INAVA: variants seen among roughly 807,000 people sequenced by gnomAD.
The protein encoded by INAVA is innate immunity activator, also known as innate immunity activator protein.
INAVA carries 32 observed loss-of-function variants against 55.3 expected under a neutral mutation model. The ratio of observed to expected loss-of-function variants is 0.58; its 90% CI spans 0.44 to 0.78. The LOEUF (loss-of-function observed/expected upper bound fraction) is 0.78, where lower values mean the gene tolerates loss of function less well. Ranked by LOEUF, INAVA falls within the 30% of genes least tolerant of loss-of-function variation. The probability of loss-of-function intolerance (pLI) is 0.00; values close to 1 mark genes in which losing one functional copy is unlikely to be tolerated. For synonymous variants in INAVA, 294 were observed against 329.4 expected (o/e 0.89, Z 1.16); for missense variants, 756 against 786.4 (o/e 0.96, Z 0.46).
In INAVA at chr1:200,907,844, C is replaced by T. The variant is rs745667764; in HGVS notation, c.531C>T (p.Ala177=). The T allele has an allele frequency of 6.2e-7, 1 of 1,612,494 alleles. No homozygotes were observed. The highest frequency in any genetic ancestry group is 8.5e-7 in the Non-Finnish European group (1 of 1,178,734). Residue 177 remains alanine (A), a synonymous_variant, in exon 6 of 10, where the codon GCC becomes GCT. Coordinates refer to ENST00000413687, the MANE Select transcript of INAVA (RefSeq NM_001142569.3). Reference sequence around the variant, plus strand: ...CTTTGTCTTTCGCAGAGCTCAGTGCCTCTGATGACAGCTCCCTGTCAGATG... The same window carrying T: ...CTTTGTCTTTCGCAGAGCTCAGTGCTTCTGATGACAGCTCCCTGTCAGATG... The part of the protein sequence containing the change: ...AALPLGRELS[A]SDDSSLSDGL...
intron 2 of INAVA, 110 bp from the exon 3 acceptor site, chr1:200,899,357 ATGTGTG>A: frequency 7.5e-7 from 1 of 1,326,760 alleles, no homozygotes; most frequent in Non-Finnish European, 1.0e-6. Flanking sequence ...CAGGCATGAG[ATGTGTG>A]TGTGTGTGTG....
chr1:200,912,031 T>C lies in INAVA; in HGVS notation c.1538T>C (p.Leu513Pro). The change falls in exon 9 of 10, where the codon CTC (leucine) becomes CCC (proline). Residue 513 changes from leucine to proline, a missense_variant. Physicochemically the swap from Leu to Pro is moderately conservative, Grantham distance 98. Around this residue, in one of 2 missense-constraint regions of INAVA, gnomAD observed 117 missense variants for 162.1 expected, o/e 0.72. Coordinates refer to ENST00000413687, the MANE Select transcript of INAVA (RefSeq NM_001142569.3). ...AAGTGGTGGCACGAGCGTGCACGCC[T>C]CCGGAGCACCCGCCCCCACTCACTG... ...ELKWWHERAR[L>P]RSTRPHSLDR... 1 of 1,543,160 alleles carries C rather than the reference T, an allele frequency of 6.5e-7. No homozygotes were observed. The highest frequency in any genetic ancestry group is 8.7e-7 in the Non-Finnish European group (1 of 1,146,172).
At chr1:200,902,168 T>C (rs1653289052) in intron 5 of INAVA, among the ~76,000 whole-genome samples, 1 of 152,196 alleles carries the variant, frequency 6.6e-6, no homozygotes, top group South Asian at 2.1e-4. Flanking sequence ...TCATTCACAT[T>C]CTCAGGCTCC....
chr1:200,911,384 C>T (rs1653713592), intron 8 of INAVA, 69 bp from the exon 9 acceptor site: 1 of 1,445,340 alleles, frequency 6.9e-7, no homozygotes, highest in Admixed American at 1.7e-5. Context: ...TTTAACTCCA[C>T]CTCCCGCCCC....
intron 6 of INAVA, 196 bp downstream of exon 6, chr1:200,908,083 A>C (rs1003719081): frequency 1.2e-5 from 6 of 485,332 alleles, no homozygotes; most frequent in African/African-American, 1.9e-5. Flanking sequence ...ATGTGCGATC[A>C]TCTCCCATTC....
intron 6 of INAVA, chr1:200,908,162 C>T (rs963649363): frequency 2.8e-6 from 1 of 363,008 alleles, no homozygotes; most frequent in Admixed American, 4.2e-5. Flanking sequence ...CCCAGATGTC[C>T]CTCCTTCACC....
upstream of INAVA, chr1:200,891,538 G>A (rs758688213): frequency 6.2e-7 from 1 of 1,604,458 alleles, no homozygotes; most frequent in Non-Finnish European, 8.5e-7. Context: ...TTTAACATTT[G>A]GGATGCTGCA....
At position 200,898,416 on chromosome 1, in the gene INAVA, G is replaced by A. The variant is rs1156785035; in HGVS notation, c.16G>A (p.Glu6Lys). The A allele has an allele frequency of 6.2e-6, 10 of 1,614,012 alleles. No homozygotes were observed. The African/African-American group carries it at 1.3e-4, about 22-fold the overall frequency. Residue 6 changes from glutamate to lysine, a missense_variant, in exon 2 of 10, where the codon GAG (glutamate) becomes AAG (lysine). Coordinates refer to ENST00000413687, the MANE Select transcript of INAVA (RefSeq NM_001142569.3). MESKD[E>K]VSDTDSGIIL... Reference sequence around the variant, plus strand: ...GAAATCCACCATGGAGAGTAAGGATGAGGTCAGCGACACCGACAGTGGCAT... The same window carrying A: ...GAAATCCACCATGGAGAGTAAGGATAAGGTCAGCGACACCGACAGTGGCAT...
intron 6 of INAVA, 57 bp from the exon 7 acceptor site, chr1:200,908,673 C>A (rs1363706013): frequency 1.4e-6 from 2 of 1,445,330 alleles, no homozygotes; most frequent in Non-Finnish European, 9.3e-7. Context: ...TGTGGAGGTT[C>A]TTGTTGGGCC....
chr1:200,911,722 G>T lies in INAVA; in HGVS notation c.1229G>T (p.Trp410Leu). The change falls in exon 9 of 10, where the codon TGG (tryptophan) becomes TTG (leucine). Residue 410 changes from tryptophan (W) to leucine (L), a missense_variant. By Grantham distance (61) the Trp-to-Leu change is moderately conservative. Around this residue, in one of 2 missense-constraint regions of INAVA, gnomAD observed 639 missense variants for 624.3 expected, o/e 1.02. Coordinates refer to ENST00000413687, the MANE Select transcript of INAVA (RefSeq NM_001142569.3). The part of the protein sequence containing the change: ...PPKTHRHRGA[W>L]VPAGSRELVA... The stretch of plus-strand genomic sequence containing the variant: ...AAGACCCATCGTCACCGCGGGGCCT[G>T]GGTCCCAGCCGGCAGCAGAGAGCTG... 1 of 1,612,992 alleles carries T rather than the reference G, an allele frequency of 6.2e-7. No homozygotes were observed.
At chr1:200,894,813 T>G (rs1668306050), upstream of INAVA, 1 of 985,502 alleles carries the variant, frequency 1.0e-6, no homozygotes. Flanking sequence ...TGGCACCAGT[T>G]GCACGGGATT....
At chr1:200,913,414 C>A in intron 9 of INAVA, 123 bp from the exon 10 acceptor site, 2 of 709,472 alleles carry the variant, frequency 2.8e-6, no homozygotes, top group East Asian at 2.6e-5. Context: ...CCAGGGCCTG[C>A]TGCTGCTGCT....
chr1:200,913,766 T>C lies in INAVA; in HGVS notation c.*137T>C, dbSNP rs1175998666. ...GAGCTGAGACCTTTTATTATTTTTT[T>C]TTTACACGACTTTTTTCAGAAGCCC... is the stretch of plus-strand genomic sequence containing the variant. On this transcript the variant is annotated 3_prime_UTR_variant, in exon 10 of 10. Transcript: ENST00000413687. 3.1e-5 allele frequency: 20 copies of C among 640,070 alleles called. No individual in the cohort carries two copies. Among genetic ancestry groups the C allele is most frequent in the Admixed American group, 5.9e-5 (2 of 33,804 alleles). The allele number at this position is 640,070 out of a possible 1,614,324, so 39.6% of individuals were successfully genotyped here. A position where few individuals can be genotyped will look rare whatever the true frequency, so the allele number is the denominator to read the frequency against.
At chr1:200,903,785 A>AAGAGC (rs1188585595) in intron 5 of INAVA, among the ~76,000 whole-genome samples, 1 of 149,024 alleles carries the variant, frequency 6.7e-6, no homozygotes, top group Non-Finnish European at 1.5e-5. Context: ...GCCTGGTGAC[A>AAGAGC]AGAGCGAAAC....
intron 5 of INAVA, among the ~76,000 whole-genome samples, chr1:200,903,437 C>T (rs1479672280): frequency 3.3e-5 from 5 of 151,174 alleles, no homozygotes; most frequent in African/African-American, 7.3e-5. Flanking sequence ...TCAAGGGAGC[C>T]GAGATCGTGC....
chr1:200,898,013 G>T (rs535084719), intron 1 of INAVA, among the ~76,000 whole-genome samples: 1 of 152,096 alleles, frequency 6.6e-6, no homozygotes, highest in Admixed American at 6.5e-5. Flanking sequence ...CTTCTCCCCA[G>T]TCGAGCGGTT....
At chr1:200,913,061 G>A (rs1439321651) in intron 9 of INAVA, among the ~76,000 whole-genome samples, 1 of 152,164 alleles carries the variant, frequency 6.6e-6, no homozygotes, top group Non-Finnish European at 1.5e-5. Flanking sequence ...CTGCTTCTTT[G>A]AGACCCCAGA....
upstream of INAVA, chr1:200,891,796 C>A: frequency 1.1e-6 from 1 of 882,728 alleles, no homozygotes; most frequent in Non-Finnish European, 1.6e-6. Context: ...CGGAGGGTGC[C>A]CTACAGGGAA....
At chr1:200,897,045 C>T (rs563066160) in intron 1 of INAVA, among the ~76,000 whole-genome samples, 1 of 152,354 alleles carries the variant, frequency 6.6e-6, no homozygotes, top group African/African-American at 2.4e-5. Context: ...CAGGCCCTGG[C>T]CAGCTGGGAC....
Sources: allele counts gnomAD v4.1 joint callset (sites outside exome capture counted in the v4.1 genomes callset), GRCh38; gene constraint gnomAD v4.1.1; regional missense constraint gnomAD v4.1.1; transcripts MANE v1.5; gene names NCBI Gene and HGNC (gene_info 2026-07-23, HGNC 2026-07-21).